The following KYNU variants were observed in gnomAD, a reference collection of about 807,000 sequenced individuals.
The protein encoded by KYNU is L-kynurenine hydrolase.
In KYNU, 54 loss-of-function variants were observed where a neutral mutation model predicts 59.2. That is an observed-to-expected ratio of 0.91 (90% CI 0.73 to 1.14). The LOEUF (loss-of-function observed/expected upper bound fraction) is 1.14, where lower values mean the gene tolerates loss of function less well. Among genes scored for constraint, KYNU ranks in the 50% most tolerant of loss-of-function variants. The probability of loss-of-function intolerance (pLI) is 0.00; values close to 1 mark genes in which losing one functional copy is unlikely to be tolerated. For synonymous variants in KYNU, 177 were observed against 192.0 expected (o/e 0.92, Z 0.65); for missense variants, 567 against 554.4 (o/e 1.02, Z -0.23).
chr2:142,961,620 T>C (rs1684352550), intron 8 of KYNU, among the ~76,000 whole-genome samples: 1 of 152,206 alleles, frequency 6.6e-6, no homozygotes, highest in Admixed American at 6.5e-5. Flanking sequence ...CCTAAGACTC[T>C]TGAAAATTTT....
intron 10 of KYNU, among the ~76,000 whole-genome samples, chr2:143,003,132 T>C (rs1351740889): frequency 6.6e-6 from 1 of 152,190 alleles, no homozygotes; most frequent in Non-Finnish European, 1.5e-5. Flanking sequence ...ATGATAAACA[T>C]TAGTACATTA....
chr2:143,005,483 A>C (rs1387218126), intron 10 of KYNU, among the ~76,000 whole-genome samples: 1 of 152,152 alleles, frequency 6.6e-6, no homozygotes, highest in Admixed American at 6.5e-5. Context: ...TCACATGTGC[A>C]TCTATAATAG....
intron 2 of KYNU, among the ~76,000 whole-genome samples, chr2:142,901,006 T>C (rs374170904): frequency 6.4e-4 from 96 of 150,848 alleles, no homozygotes; most frequent in African/African-American, 2.2e-3. Context: ...TGAGCCGAGA[T>C]TGCACCACTG....
rs2643 is a variant in KYNU, at chr2:143,042,212, G to A, written c.*40G>A. On this transcript the variant is annotated 3_prime_UTR_variant, in exon 14 of 14. Transcript: ENST00000264170. ...ACAACTTAAGCAAATTATACTGAAA[G>A]CTGCTGTGGTTATTTCAGTATTATT... is the stretch of plus-strand genomic sequence containing the variant. 1.3e-6 allele frequency: 2 copies of A among 1,590,118 alleles called. No individual in the cohort carries two copies. Among genetic ancestry groups the A allele is most frequent in the East Asian group, 4.5e-5 (2 of 44,642 alleles).
chr2:142,881,916 C>CTTTTTTTTTTTTTT (rs869099302), intron 1 of KYNU, among the ~76,000 whole-genome samples: 2 of 113,172 alleles, frequency 1.8e-5, no homozygotes, highest in African/African-American at 6.8e-5. Context: ...TTTCTTTTTT[C>CTTTTTTTTTTTTTT]TTTTTTTTTT....
chr2:143,048,260 A>G lies in KYNU; in HGVS notation c.*6088A>G, dbSNP rs1687201086. Reference sequence around the variant, plus strand: ...TTCTTTCTATTTGTGTGGAAATTATACACTTATTCTTTGTTATTTTAGCAA... The same window carrying G: ...TTCTTTCTATTTGTGTGGAAATTATGCACTTATTCTTTGTTATTTTAGCAA... On this transcript the variant is annotated 3_prime_UTR_variant, in exon 14 of 14. Transcript: ENST00000264170. The G allele has an allele frequency of 1.3e-5, 2 of 152,130 alleles. No homozygotes were observed. The highest frequency in any genetic ancestry group is 6.5e-5 in the Admixed American group (1 of 15,268). 9.4% of individuals were successfully genotyped at this position (152,130 alleles called of 1,614,324 possible).
At chr2:142,917,479 T>A (rs1480509784) in intron 2 of KYNU, among the ~76,000 whole-genome samples, 1 of 151,560 alleles carries the variant, frequency 6.6e-6, no homozygotes, top group Non-Finnish European at 1.5e-5. Context: ...AAAAAAAAAA[T>A]TAAATAGAGA....
At chr2:142,912,163 T>C (rs999967282) in intron 2 of KYNU, among the ~76,000 whole-genome samples, 2 of 152,132 alleles carry the variant, frequency 1.3e-5, no homozygotes, top group Non-Finnish European at 2.9e-5. Context: ...AATTTGGCTA[T>C]GAATTCATCT....
rs193164435 is a variant in KYNU, at chr2:142,919,124, G to A, written c.290+395G>A. Among the ~76,000 whole-genome samples the A allele has an allele frequency of 1.1e-4, 17 of 152,220 alleles. No individual in the cohort carries two copies. In the East Asian group the frequency reaches 2.3e-3, roughly 21 times the overall value. On this transcript the variant is annotated intron_variant, in intron 3 of 13. Transcript: ENST00000264170. The stretch of plus-strand genomic sequence containing the variant: ...TTTTTTCCCCAAATATTTTTGATCC[G>A]CAGTTGGTTGAATCCATAGAGAGGG...
chr2:142,922,534 T>C (rs145929109), intron 3 of KYNU, among the ~76,000 whole-genome samples: 1 of 152,146 alleles, frequency 6.6e-6, no homozygotes, highest in Non-Finnish European at 1.5e-5. Flanking sequence ...AACAGTAACA[T>C]AAAAATTAGA....
At chr2:142,982,185 T>C (rs960806816) in intron 8 of KYNU, among the ~76,000 whole-genome samples, 1 of 152,118 alleles carries the variant, frequency 6.6e-6, no homozygotes, top group Non-Finnish European at 1.5e-5. Flanking sequence ...GGAGCAGGTA[T>C]GTGCACTTGG....
At chr2:143,018,940 G>A (rs180930218) in intron 10 of KYNU, among the ~76,000 whole-genome samples, 1 of 151,970 alleles carries the variant, frequency 6.6e-6, no homozygotes, top group East Asian at 1.9e-4. Flanking sequence ...CAGCTTGATT[G>A]TTATTGATGT....
At chr2:143,001,614 T>C (rs558425336) in intron 10 of KYNU, among the ~76,000 whole-genome samples, 3 of 152,308 alleles carry the variant, frequency 2.0e-5, no homozygotes, top group East Asian at 1.9e-4. Flanking sequence ...CTTGTTAAGA[T>C]ACTCAGTTTT....
At chr2:143,028,978 G>A (rs1038421303) in intron 10 of KYNU, among the ~76,000 whole-genome samples, 8 of 152,058 alleles carry the variant, frequency 5.3e-5, no homozygotes, top group African/African-American at 1.2e-4. Flanking sequence ...AGATTCTATT[G>A]TGAAAATATT....
In KYNU at chr2:142,999,720, G is replaced by A. The variant is rs189190718; in HGVS notation, c.902+13699G>A. Among the ~76,000 whole-genome samples the A allele has an allele frequency of 7.4e-4, 112 of 152,030 alleles. 1 individual carries two copies. Among genetic ancestry groups the A allele is most frequent in the African/African-American group, 2.2e-3 (92 of 41,484 alleles). On this transcript the variant is annotated intron_variant, in intron 10 of 13. Transcript: ENST00000264170. The stretch of plus-strand genomic sequence containing the variant: ...AAATGTAATATCATTGATGTTGTTC[G>A]TCATGAAAATATTCAGAATAGCCTG...
At position 143,053,213 on chromosome 2, in the gene KYNU, T is replaced by G. The variant is rs1687295971; in HGVS notation, c.*11041T>G. On this transcript the variant is annotated 3_prime_UTR_variant, in exon 14 of 14. Coordinates refer to ENST00000264170, the MANE Select transcript of KYNU (RefSeq NM_003937.3). ...GTATCTAGGAAGTAACTAACTTGCTTTTGATTTTACAGGCCCATAGGTGGA... is the reference window on the plus strand; with the variant it reads ...GTATCTAGGAAGTAACTAACTTGCTGTTGATTTTACAGGCCCATAGGTGGA... 1 of 152,224 alleles carries G rather than the reference T, an allele frequency of 6.6e-6. No homozygotes were observed. Among genetic ancestry groups the G allele is most frequent in the South Asian group, 2.1e-4 (1 of 4,830 alleles). 9.4% of individuals were successfully genotyped at this position (152,224 alleles called of 1,614,324 possible).
chr2:142,971,265 A>C (rs1397695876), intron 8 of KYNU: 2 of 152,076 alleles, frequency 1.3e-5, no homozygotes, highest in Admixed American at 1.3e-4. Flanking sequence ...CATTGAAGCC[A>C]AGTCATCGCT....
chr2:143,027,102 G>A (rs979394282), intron 10 of KYNU, among the ~76,000 whole-genome samples: 1 of 152,106 alleles, frequency 6.6e-6, no homozygotes, highest in African/African-American at 2.4e-5. Context: ...AATTCCTGGG[G>A]ACCTACTCTT....
At chr2:142,911,012 G>T (rs532028097) in intron 2 of KYNU, among the ~76,000 whole-genome samples, 7 of 152,234 alleles carry the variant, frequency 4.6e-5, no homozygotes, top group African/African-American at 1.7e-4. Context: ...CATCAGCCTT[G>T]TTCTTTTTGC....
Sources: allele counts gnomAD v4.1 joint callset (sites outside exome capture counted in the v4.1 genomes callset), GRCh38; gene constraint gnomAD v4.1.1; transcripts MANE v1.5; gene names NCBI Gene and HGNC (gene_info 2026-07-23, HGNC 2026-07-21).